PIERCE2: variants seen among roughly 807,000 people sequenced by gnomAD.
PIERCE2 encodes piercer of microtubule wall 2 protein.
the PIERCE2 span, among the ~76,000 whole-genome samples, chr15:55,414,952 A>G: frequency 6.6e-6 from 1 of 152,200 alleles, no homozygotes; most frequent in African/African-American, 2.4e-5. Context: ...AGTGAAATTT[A>G]TTAAACAAAA....
the PIERCE2 span, among the ~76,000 whole-genome samples, chr15:55,412,226 A>C: frequency 5.3e-5 from 8 of 152,170 alleles, no homozygotes; most frequent in Non-Finnish European, 8.8e-5. Flanking sequence ...TTTACAGATA[A>C]TATACAAATA....
the PIERCE2 span, among the ~76,000 whole-genome samples, chr15:55,413,696 G>A: frequency 1.5e-5 from 2 of 136,214 alleles, no homozygotes; most frequent in Non-Finnish European, 3.1e-5. Context: ...GGAGGCAGAG[G>A]TTGCAGTGAG....
chr15:55,408,582 C>T, the PIERCE2 span: 44 of 407,558 alleles, frequency 1.1e-4, no homozygotes, highest in Non-Finnish European at 1.7e-4. Context: ...TGGTTTCACC[C>T]GGGAAAACAG....
chr15:55,412,266 G>C, the PIERCE2 span, among the ~76,000 whole-genome samples: 1 of 152,118 alleles, frequency 6.6e-6, no homozygotes, highest in East Asian at 1.9e-4. Context: ...TGAGAACCTA[G>C]GTCATAGTTG....
chr15:55,416,768 G>A, the PIERCE2 span, among the ~76,000 whole-genome samples: 1 of 152,018 alleles, frequency 6.6e-6, no homozygotes, highest in Non-Finnish European at 1.5e-5. Context: ...AGACCAGTCT[G>A]GCCAACATGG....
chr15:55,418,547 C>G, the PIERCE2 span: 2 of 1,489,538 alleles, frequency 1.3e-6, no homozygotes, highest in Non-Finnish European at 1.8e-6. Flanking sequence ...TCTTGATTTT[C>G]CTAATATTCA....
the PIERCE2 span, among the ~76,000 whole-genome samples, chr15:55,417,476 G>A: frequency 2.0e-5 from 3 of 151,886 alleles, no homozygotes; most frequent in Non-Finnish European, 4.4e-5. Flanking sequence ...AGTTAGCTAT[G>A]TAATTAGTTA....
chr15:55,416,640 A>G, the PIERCE2 span, among the ~76,000 whole-genome samples: 26,984 of 151,812 alleles, frequency 0.18, 4,136 homozygotes, highest in African/African-American at 0.42. Context: ...GATCCTGTGA[A>G]TTCTACTTCC....
the PIERCE2 span, among the ~76,000 whole-genome samples, chr15:55,413,184 C>A: frequency 4.0e-5 from 6 of 151,266 alleles, no homozygotes; most frequent in African/African-American, 1.5e-4. Context: ...AGGAGAATGG[C>A]GTAAACCCAG....
the PIERCE2 span, among the ~76,000 whole-genome samples, chr15:55,413,108 A>G: frequency 6.6e-6 from 1 of 152,030 alleles, no homozygotes; most frequent in African/African-American, 2.4e-5. Context: ...CTCTACTAAA[A>G]ATACAAAAAA....
At chr15:55,414,100 C>T in the PIERCE2 span, among the ~76,000 whole-genome samples, 9 of 150,254 alleles carry the variant, frequency 6.0e-5, no homozygotes, top group Non-Finnish European at 1.3e-4. Flanking sequence ...GGTTTCACCG[C>T]GTTAGCCAGG....
chr15:55,418,687 G>C, the PIERCE2 span: 2 of 696,748 alleles, frequency 2.9e-6, no homozygotes, highest in Non-Finnish European at 4.5e-6. Flanking sequence ...TTTAAAATAA[G>C]TTAAATAAAG....
chr15:55,413,831 G>T, the PIERCE2 span, among the ~76,000 whole-genome samples: 1 of 150,808 alleles, frequency 6.6e-6, no homozygotes, highest in Non-Finnish European at 1.5e-5. Context: ...CAACTCATTA[G>T]GACTTTTTTT....
At chr15:55,412,309 C>G in the PIERCE2 span, among the ~76,000 whole-genome samples, 2 of 152,080 alleles carry the variant, frequency 1.3e-5, no homozygotes, top group Admixed American at 1.3e-4. Context: ...TATATCACAT[C>G]CAGCCCTCTT....
At chr15:55,410,064 C>T in the PIERCE2 span, among the ~76,000 whole-genome samples, 1 of 139,500 alleles carries the variant, frequency 7.2e-6, no homozygotes, top group Non-Finnish European at 1.7e-5. Flanking sequence ...GAAGGTGAAA[C>T]CCATATTAGA....
the PIERCE2 span, among the ~76,000 whole-genome samples, chr15:55,413,393 T>C: frequency 1.3e-5 from 2 of 152,144 alleles, no homozygotes; most frequent in East Asian, 1.9e-4. Context: ...TACTGCACTC[T>C]AGCCTGAGTG....
chr15:55,408,929 T>G, the PIERCE2 span: 2 of 583,616 alleles, frequency 3.4e-6, no homozygotes, highest in Non-Finnish European at 6.0e-6. Flanking sequence ...ACATTTACAC[T>G]TGTAAATGCA....
chr15:55,414,303 G>A, the PIERCE2 span, among the ~76,000 whole-genome samples: 3 of 143,778 alleles, frequency 2.1e-5, no homozygotes, highest in Non-Finnish European at 3.0e-5. Flanking sequence ...TTGGCCTCCC[G>A]GGTTGAAGCA....
chr15:55,410,989 G>A, the PIERCE2 span: 1 of 152,220 alleles, frequency 6.6e-6, no homozygotes, highest in Non-Finnish European at 1.5e-5. Context: ...AAGATCTGAT[G>A]AGAATAACAT....
Sources: allele counts gnomAD v4.1 joint callset (sites outside exome capture counted in the v4.1 genomes callset), GRCh38; gene constraint gnomAD v4.1.1; transcripts MANE v1.5; gene names NCBI Gene and HGNC (gene_info 2026-07-23, HGNC 2026-07-21).